Variants in SMG6 observed in about 807,000 individuals in gnomAD.
SMG6 encodes the protein telomerase-binding protein EST1A.
Under a neutral mutation model 142.2 loss-of-function variants are expected in SMG6, and 66 were observed. The ratio of observed to expected loss-of-function variants is 0.46; its 90% CI spans 0.38 to 0.57. The LOEUF (loss-of-function observed/expected upper bound fraction) is 0.57, where lower values mean the gene tolerates loss of function less well. Ranked by LOEUF, SMG6 falls within the 20% of genes least tolerant of loss-of-function variation. SMG6 has a pLI of 0.00. For synonymous variants in SMG6, 779 were observed against 702.4 expected (o/e 1.11, Z -1.72); for missense variants, 1,793 against 1,832.0 (o/e 0.98, Z 0.39).
chr17:2,116,793 A>G (rs1386456635), intron 13 of SMG6, among the ~76,000 whole-genome samples: 1 of 152,014 alleles, frequency 6.6e-6, no homozygotes. Flanking sequence ...CTGCGAGAAG[A>G]TATTTTCAAT....
At chr17:2,302,797 C>A (rs2075312687) in intron 1 of SMG6, among the ~76,000 whole-genome samples, 1 of 151,496 alleles carries the variant, frequency 6.6e-6, no homozygotes, top group Admixed American at 6.6e-5. Flanking sequence ...CCTCGGCAGT[C>A]TGTAACTTGG....
chr17:2,271,124 T>G (rs1290111783), intron 8 of SMG6, among the ~76,000 whole-genome samples: 1 of 150,840 alleles, frequency 6.6e-6, no homozygotes, highest in Non-Finnish European at 1.5e-5. Context: ...TGGTTTTTTT[T>G]TTTTTTTTTT....
intron 4 of SMG6, among the ~76,000 whole-genome samples, chr17:2,293,531 G>A (rs756112854): frequency 3.3e-5 from 5 of 151,938 alleles, no homozygotes; most frequent in Admixed American, 6.6e-5. Flanking sequence ...GTGTAGTGGC[G>A]TGATCTCAGC....
intron 10 of SMG6, among the ~76,000 whole-genome samples, chr17:2,223,993 G>A (rs1251131049): frequency 6.6e-6 from 1 of 152,158 alleles, no homozygotes; most frequent in African/African-American, 2.4e-5. Context: ...AGCTTCCTCT[G>A]GTAGTACGGC....
chr17:2,063,872 G>C (rs904415037), intron 18 of SMG6, among the ~76,000 whole-genome samples: 1 of 152,138 alleles, frequency 6.6e-6, no homozygotes, highest in Non-Finnish European at 1.5e-5. Flanking sequence ...AGAGACTACT[G>C]AGCTGCCGGG....
At position 2,092,579 on chromosome 17, in the gene SMG6, A is replaced by G. The variant is rs552507542; in HGVS notation, c.3358-6678T>C. 8.5e-5 allele frequency among the ~76,000 whole-genome samples: 13 copies of G among 152,318 alleles called. No homozygotes were observed. In the South Asian group the frequency reaches 2.7e-3, roughly 32 times the overall value. ...TGGTGCTGGTGGGGAGACTATCCCA[A>G]GACAGGGTTACTGAAGATCCCAAAA... On this transcript the variant is annotated intron_variant, in intron 13 of 18. Transcript: ENST00000263073.
intron 13 of SMG6, among the ~76,000 whole-genome samples, chr17:2,097,814 T>C (rs977074740): frequency 5.3e-5 from 8 of 152,192 alleles, no homozygotes; most frequent in African/African-American, 1.9e-4. Flanking sequence ...ACTAAGACTT[T>C]CACTAAGACT....
At chr17:2,065,922 C>T (rs2067929964) in intron 16 of SMG6, 1 of 565,186 alleles carries the variant, frequency 1.8e-6, no homozygotes, top group East Asian at 2.9e-5. Flanking sequence ...TTGGGAGGAA[C>T]TTAAAGGAAT....
intron 13 of SMG6, among the ~76,000 whole-genome samples, chr17:2,110,268 A>G (rs543749927): frequency 6.6e-6 from 1 of 152,242 alleles, no homozygotes; most frequent in Non-Finnish European, 1.5e-5. Flanking sequence ...TGGAGTTCAG[A>G]AACATGGCAC....
chr17:2,293,851 A>T (rs1256736579), intron 4 of SMG6, among the ~76,000 whole-genome samples: 1 of 152,176 alleles, frequency 6.6e-6, no homozygotes, highest in African/African-American at 2.4e-5. Context: ...CATTACCTTC[A>T]CCTAAAACAA....
intron 15 of SMG6, among the ~76,000 whole-genome samples, chr17:2,081,140 G>A (rs2068411626): frequency 6.6e-6 from 1 of 152,130 alleles, no homozygotes. Flanking sequence ...TATGCACACG[G>A]TTCACCTTTA....
Position 2,300,060 on chromosome 17 carries a change from G to A in SMG6, c.693C>T (p.Asp231=), listed in dbSNP as rs143965252. ...GKGEGVRETH[D]DPARGRPGSA... ...AGCCCGGCCTCCCGCGGGCTGGGTC[G>A]TCGTGGGTTTCCCTCACCCCCTCCC... The change falls in exon 2 of 19, where the codon GAC becomes GAT. Residue 231 remains aspartate (D), a synonymous_variant. Transcript: ENST00000263073. The A allele has an allele frequency of 1.2e-3, 1,966 of 1,614,188 alleles. 3 individuals carry two copies. Among genetic ancestry groups the A allele is most frequent in the African/African-American group, 2.3e-3 (174 of 75,070 alleles).
chr17:2,120,902 T>C (rs1234698590), intron 13 of SMG6, among the ~76,000 whole-genome samples: 1 of 152,166 alleles, frequency 6.6e-6, no homozygotes, highest in Non-Finnish European at 1.5e-5. Flanking sequence ...AGGGGTATCC[T>C]GGGCCACGAT....
At chr17:2,112,755 CTTTTT>C (rs1189843396) in intron 13 of SMG6, among the ~76,000 whole-genome samples, 1 of 130,222 alleles carries the variant, frequency 7.7e-6, no homozygotes. Context: ...GAGCTCCAAA[CTTTTT>C]TTTTTTTTTT....
At chr17:2,216,797 G>A (rs1319222533) in intron 10 of SMG6, among the ~76,000 whole-genome samples, 1 of 152,130 alleles carries the variant, frequency 6.6e-6, no homozygotes, top group Non-Finnish European at 1.5e-5. Flanking sequence ...ATTTTATGAA[G>A]CTAAAATAAT....
At position 2,118,533 on chromosome 17, in the gene SMG6, T is replaced by C. The variant is rs554784832; in HGVS notation, c.3358-32632A>G. ...CAGCCTGGGTGTAAGAGTGAGACTC[T>C]GTCTCAAAAAAAAATTTATTTCCAA... On this transcript the variant is annotated intron_variant, in intron 13 of 18. Transcript: ENST00000263073. Among the ~76,000 whole-genome samples, 4 of 151,558 alleles carry C rather than the reference T, an allele frequency of 2.6e-5. No homozygotes were observed. In the East Asian group the frequency reaches 5.8e-4, roughly 22 times the overall value.
chr17:2,277,161 ATTT>A (rs2074672629), intron 8 of SMG6, among the ~76,000 whole-genome samples: 1 of 65,136 alleles, frequency 1.5e-5, no homozygotes, highest in Non-Finnish European at 3.2e-5. Context: ...TTATTTATTT[ATTT>A]ATTTTTTATT....
At chr17:2,218,531 C>T (rs1287783424) in intron 10 of SMG6, among the ~76,000 whole-genome samples, 1 of 152,064 alleles carries the variant, frequency 6.6e-6, no homozygotes, top group African/African-American at 2.4e-5. Context: ...GAGCGACAGA[C>T]CGAGACTCCG....
At chr17:2,302,092 C>G (rs1220671712) in intron 1 of SMG6, among the ~76,000 whole-genome samples, 1 of 151,368 alleles carries the variant, frequency 6.6e-6, no homozygotes, top group East Asian at 2.0e-4. Flanking sequence ...GTCTCTATAA[C>G]GTATACAAAA....
Sources: allele counts gnomAD v4.1 joint callset (sites outside exome capture counted in the v4.1 genomes callset), GRCh38; gene constraint gnomAD v4.1.1; transcripts MANE v1.5; gene names NCBI Gene and HGNC (gene_info 2026-07-23, HGNC 2026-07-21).